Variants in PSG5 observed in about 807,000 individuals in gnomAD.
PSG5 encodes the protein pregnancy specific beta-1-glycoprotein 5.
In PSG5, 53 loss-of-function variants were observed where a neutral mutation model predicts 37.7. The ratio of observed to expected loss-of-function variants is 1.41; its 90% CI spans 1.13 to 1.77. The LOEUF is 1.77. Ranked by LOEUF, PSG5 falls within the 40% of genes most tolerant of loss-of-function variation. The pLI is 0.00. For missense variants in PSG5, 547 were observed against 405.2 expected (o/e 1.35, Z -3.00); for synonymous variants, 221 against 155.4 (o/e 1.42, Z -3.14).
chr19:43,175,210 C>G lies in PSG5; in HGVS notation c.964+5G>C, dbSNP rs1377868733. On this transcript the variant is annotated splice_donor_5th_base_variant and intron_variant, in intron 4 of 5. Coordinates refer to ENST00000342951, the MANE Select transcript of PSG5 (RefSeq NM_002781.4). ...CTATTGCCAAGGATGCTGGGATCCA[C>G]TTACCAGAGACTTCGACTGTCATGG... The G allele has an allele frequency of 2.5e-6, 4 of 1,612,530 alleles. No homozygotes were observed. In the Admixed American group the frequency reaches 5.0e-5, roughly 20 times the overall value.
chr19:43,169,979 C>T lies in PSG5; in HGVS notation c.*40+76G>A, dbSNP rs1289710359. 1.1e-5 allele frequency: 10 copies of T among 918,580 alleles called. 3 individuals carry two copies. The highest frequency in any genetic ancestry group is 3.4e-5 in the African/African-American group (2 of 59,234). 56.9% of individuals were successfully genotyped at this position (918,580 alleles called of 1,614,324 possible). On this transcript the variant is annotated intron_variant, in intron 5 of 5. Coordinates refer to ENST00000342951, the MANE Select transcript of PSG5 (RefSeq NM_002781.4). Reference sequence around the variant, plus strand: ...GAGGAGATGCAGTCCCAGATACAAGCAAATAAGTCTTTTCCCTCTCCCAAG... The same window carrying T: ...GAGGAGATGCAGTCCCAGATACAAGTAAATAAGTCTTTTCCCTCTCCCAAG...
chr19:43,185,416 G>A (rs1359860949), intron 1 of PSG5, among the ~76,000 whole-genome samples: 1 of 106,706 alleles, frequency 9.4e-6, no homozygotes, highest in African/African-American at 4.3e-5. Flanking sequence ...TCTTCCCCAG[G>A]GGTCCACACG....
chr19:43,169,730 G>A (rs765293910), intron 5 of PSG5, among the ~76,000 whole-genome samples: 10 of 151,666 alleles, frequency 6.6e-5, no homozygotes, highest in Non-Finnish European at 1.2e-4. Flanking sequence ...AGAAGTGGTT[G>A]AGCTTTATGG....
intron 4 of PSG5, among the ~76,000 whole-genome samples, chr19:43,173,802 G>A (rs1180957869): frequency 4.6e-5 from 7 of 151,560 alleles, no homozygotes; most frequent in Non-Finnish European, 8.8e-5. Context: ...GTAAAAAGTG[G>A]TGTGGCTGTT....
At chr19:43,179,021 C>T (rs1969071043) in intron 2 of PSG5, 1 of 1,612,568 alleles carries the variant, frequency 6.2e-7, no homozygotes, top group African/African-American at 1.3e-5. Flanking sequence ...ACCTGTGAGT[C>T]ATAGGGAGGC....
chr19:43,178,415 T>C (rs1461341885), intron 2 of PSG5, among the ~76,000 whole-genome samples: 2 of 151,738 alleles, frequency 1.3e-5, no homozygotes, highest in African/African-American at 2.4e-5. Flanking sequence ...GCAGGAGAGA[T>C]TGGGGACTTC....
intron 2 of PSG5, among the ~76,000 whole-genome samples, chr19:43,177,542 G>A (rs1316850187): frequency 1.3e-5 from 2 of 150,638 alleles, no homozygotes; most frequent in East Asian, 1.9e-4. Flanking sequence ...TTCTACCATG[G>A]TGATTAGTTT....
rs1241368960 is a variant in PSG5 at position 43,176,388 on chromosome 19, G to C, written c.431-240C>G. Among the ~76,000 whole-genome samples, 5 of 151,540 alleles carry C rather than the reference G, an allele frequency of 3.3e-5. 1 individual carries two copies. The highest frequency in any genetic ancestry group is 7.4e-5 in the Non-Finnish European group (5 of 67,916). On this transcript the variant is annotated intron_variant, in intron 2 of 5. Transcript: ENST00000342951. ...CAAGTGTCAATTGAGCAGCAGTGTT[G>C]GGTCATGAACAGACACATCAGTGGG... is the stretch of plus-strand genomic sequence containing the variant.
chr19:43,185,298 T>C (rs1599757462), intron 1 of PSG5, 151 bp from the exon 2 acceptor site: 2 of 1,198,194 alleles, frequency 1.7e-6, no homozygotes, highest in South Asian at 1.5e-5. Flanking sequence ...TGCATGTTAG[T>C]TTGTGTGTGT....
intron 2 of PSG5, chr19:43,180,583 G>C (rs1969107747): frequency 6.6e-6 from 1 of 151,422 alleles, no homozygotes. Flanking sequence ...TAGACCTCAT[G>C]TTATGTTCTG....
intron 2 of PSG5, among the ~76,000 whole-genome samples, chr19:43,181,825 G>A (rs1969134710): frequency 6.6e-6 from 1 of 151,678 alleles, no homozygotes; most frequent in African/African-American, 2.4e-5. Context: ...AGAACCGAGT[G>A]ACAAATTTCA....
rs747706427 is a variant in PSG5, at chr19:43,184,994, A to G, written c.218T>C (p.Met73Thr). 12 of 1,612,558 alleles carry G rather than the reference A, an allele frequency of 7.4e-6. No individual in the cohort carries two copies. The Admixed American group carries it at 1.3e-4, about 18-fold the overall frequency. The change falls in exon 2 of 6, where the codon ATG becomes ACG. Residue 73 changes from methionine to threonine, a missense_variant. Met to Thr is a moderately conservative substitution (Grantham distance 81). Coordinates refer to ENST00000342951, the MANE Select transcript of PSG5 (RefSeq NM_002781.4). ...AGYIWYKGQL[M>T]DLYHYITSYV... ...TGATGTAATGTAATGGTAGAGGTCCATCAGTTGTCCTTTGTACCAGATGTA... is the reference window on the plus strand; with the variant it reads ...TGATGTAATGTAATGGTAGAGGTCCGTCAGTTGTCCTTTGTACCAGATGTA...
intron 2 of PSG5, among the ~76,000 whole-genome samples, chr19:43,178,211 C>T (rs940092542): frequency 2.6e-5 from 4 of 151,590 alleles, no homozygotes; most frequent in African/African-American, 9.7e-5. Context: ...GCCAATGCTC[C>T]AGGGATCCAC....
At chr19:43,181,006 G>A (rs1472106960) in intron 2 of PSG5, among the ~76,000 whole-genome samples, 2 of 151,646 alleles carry the variant, frequency 1.3e-5, no homozygotes, top group African/African-American at 4.9e-5. Context: ...TTTCTCTTAA[G>A]CTCACGAAAC....
chr19:43,170,187 C>T, intron 4 of PSG5, 49 bp from the exon 5 acceptor site: 3 of 1,468,586 alleles, frequency 2.0e-6, no homozygotes, highest in Non-Finnish European at 2.8e-6. Flanking sequence ...TGTTATTTTA[C>T]ATGGGGGAGC....
At chr19:43,169,723 A>G (rs1968863480) in intron 5 of PSG5, among the ~76,000 whole-genome samples, 1 of 151,678 alleles carries the variant, frequency 6.6e-6, no homozygotes, top group South Asian at 2.1e-4. Context: ...TACTTTGAGA[A>G]GTGGTTGAGC....
rs200091048 is a variant in PSG5, at chr19:43,183,464, A to T, written c.430+1318T>A. 209 of 527,916 alleles carry T rather than the reference A, an allele frequency of 4.0e-4. 7 individuals carry two copies. The highest frequency in any genetic ancestry group is 7.4e-4 in the Non-Finnish European group (192 of 258,742). The allele number at this position is 527,916 out of a possible 1,614,324, so 32.7% of individuals were successfully genotyped here. On this transcript the variant is annotated intron_variant, in intron 2 of 5. Coordinates refer to ENST00000342951, the MANE Select transcript of PSG5 (RefSeq NM_002781.4). Reference sequence around the variant, plus strand: ...GTGTCTCTCGCTGGGCCTGTGCTGGAGCAGGGTCTGAGTGGGGAAAGAAAA... The same window carrying T: ...GTGTCTCTCGCTGGGCCTGTGCTGGTGCAGGGTCTGAGTGGGGAAAGAAAA...
chr19:43,186,456 A>T lies in PSG5; in HGVS notation c.-51T>A. On this transcript the variant is annotated 5_prime_UTR_variant, in exon 1 of 6. Coordinates refer to ENST00000342951, the MANE Select transcript of PSG5 (RefSeq NM_002781.4). ...CTGTGGAGCTGAGCCTAGGATCCAG[A>T]AACTTCCTGAGCACGGCTGTAGGCT... 6.2e-7 allele frequency: 1 copy of T among 1,608,638 alleles called. No individual in the cohort carries two copies. Among genetic ancestry groups the T allele is most frequent in the Non-Finnish European group, 8.5e-7 (1 of 1,176,666 alleles).
At chr19:43,173,912 A>G (rs1968952364) in intron 4 of PSG5, among the ~76,000 whole-genome samples, 1 of 151,716 alleles carries the variant, frequency 6.6e-6, no homozygotes, top group Admixed American at 6.6e-5. Context: ...ATATTTGTAC[A>G]CTGATGTTCA....
Sources: gnomAD v4.1 joint callset for allele counts (sites outside exome capture counted in the v4.1 genomes callset) on GRCh38, gnomAD v4.1.1 for gene constraint, MANE v1.5 for transcripts, NCBI Gene and HGNC (gene_info 2026-07-23, HGNC 2026-07-21) for gene names.